The following GPHN variants were observed in gnomAD, a reference collection of about 807,000 sequenced individuals.
GPHN encodes the protein gephyrin.
A neutral mutation model predicts 95.5 loss-of-function variants in GPHN; 17 were observed. The ratio of observed to expected loss-of-function variants is 0.18; its 90% CI spans 0.12 to 0.27. The LOEUF is 0.27. GPHN is among the 10% of genes least tolerant of loss of function. The probability of loss-of-function intolerance (pLI) is 1.00; values close to 1 mark genes in which losing one functional copy is unlikely to be tolerated. For missense variants in GPHN, 660 were observed against 978.1 expected, an observed-to-expected ratio of 0.67 and a Z score of 4.34; for synonymous variants, 320 against 322.5, an observed-to-expected ratio of 0.99 and a Z score of 0.08.
chr14:66,946,853 T>G (rs2067788442), intron 8 of GPHN, among the ~76,000 whole-genome samples: 1 of 152,252 alleles, frequency 6.6e-6, no homozygotes, highest in Non-Finnish European at 1.5e-5. Flanking sequence ...CTTGGCATTA[T>G]AAATTCCCAG....
At chr14:67,225,958 T>TGCGC in the GPHN span, among the ~76,000 whole-genome samples, 1 of 130,176 alleles carries the variant, frequency 7.7e-6, no homozygotes, top group African/African-American at 3.4e-5. Flanking sequence ...TGTGTGTGTG[T>TGCGC]GTGTGCGCGC....
At chr14:67,647,992 A>G in the GPHN span, 2 of 1,505,094 alleles carry the variant, frequency 1.3e-6, no homozygotes, top group Admixed American at 2.0e-5. Context: ...ATGAGTGTCC[A>G]AGGACAACCA....
intron 2 of GPHN, among the ~76,000 whole-genome samples, chr14:66,745,160 T>A (rs760372173): frequency 2.6e-4 from 40 of 152,240 alleles, no homozygotes; most frequent in South Asian, 1.2e-3. Flanking sequence ...TCTCTTATTT[T>A]TACAACTTTT....
At chr14:67,435,172 G>A in the GPHN span, among the ~76,000 whole-genome samples, 3 of 152,036 alleles carry the variant, frequency 2.0e-5, no homozygotes, top group East Asian at 5.8e-4. Context: ...TCACCAAGTT[G>A]GCCAGGCTGG....
the GPHN span, among the ~76,000 whole-genome samples, chr14:67,308,608 C>T: frequency 1.4e-5 from 2 of 145,564 alleles, no homozygotes; most frequent in South Asian, 4.3e-4. Flanking sequence ...TGCAATGGTG[C>T]CATCTTGGCT....
At chr14:66,612,388 T>C (rs1040990862) in intron 1 of GPHN, among the ~76,000 whole-genome samples, 4 of 152,064 alleles carry the variant, frequency 2.6e-5, no homozygotes, top group African/African-American at 7.2e-5. Context: ...CTCTGCATAC[T>C]TTCTACTCCT....
rs1286493016 is a variant in GPHN at position 66,965,429 on chromosome 14, T to G, written c.963+104T>G. 5 of 1,053,042 alleles carry G rather than the reference T, an allele frequency of 4.7e-6. No individual in the cohort carries two copies. The African/African-American group carries it at 7.8e-5, about 16-fold the overall frequency. 65.2% of individuals were successfully genotyped at this position (1,053,042 alleles called of 1,614,324 possible). On this transcript the variant is annotated intron_variant, in intron 9 of 22. Transcript: ENST00000478722. ...GTCAAGGTTGGATTGCATGCAAGAT[T>G]ACACTGTGAAAAATGAATAAAGTGT...
chr14:67,580,757 G>A, the GPHN span: 2 of 574,390 alleles, frequency 3.5e-6, no homozygotes, highest in South Asian at 2.1e-5. Context: ...CCCTCTGTTT[G>A]TGAGGGAGCT....
chr14:66,785,838 T>A lies in GPHN; in HGVS notation c.201+9317T>A, dbSNP rs2059756922. ...AAATAAGATGTCTCAAATGAAATTT[T>A]AAAAATTTACACAAACGAAAAATGA... On this transcript the variant is annotated intron_variant, in intron 3 of 22. Transcript: ENST00000478722. Among the ~76,000 whole-genome samples the A allele has an allele frequency of 2.0e-5, 3 of 151,220 alleles. No homozygotes were observed. In the South Asian group the frequency reaches 6.2e-4, roughly 31 times the overall value.
chr14:67,183,463 A>T (rs1269302411), downstream of GPHN, among the ~76,000 whole-genome samples: 1 of 152,230 alleles, frequency 6.6e-6, no homozygotes, highest in East Asian at 1.9e-4. Context: ...AGGCACAGAG[A>T]TTAAGAAACT....
At chr14:66,756,523 G>T (rs2058562302) in intron 2 of GPHN, among the ~76,000 whole-genome samples, 1 of 152,014 alleles carries the variant, frequency 6.6e-6, no homozygotes, top group South Asian at 2.1e-4. Flanking sequence ...CATGGATATG[G>T]AGAGTCAACT....
At chr14:67,638,261 C>T in the GPHN span, among the ~76,000 whole-genome samples, 2 of 152,126 alleles carry the variant, frequency 1.3e-5, no homozygotes, top group Admixed American at 6.5e-5. Flanking sequence ...TGGTGGCTCA[C>T]ATCTGTAATC....
At chr14:67,720,816 G>C in the GPHN span, 1 of 152,164 alleles carries the variant, frequency 6.6e-6, no homozygotes, top group African/African-American at 2.4e-5. Context: ...AATTCTAGAT[G>C]CCTTATGGTC....
At chr14:67,574,917 G>A in the GPHN span, among the ~76,000 whole-genome samples, 66 of 152,314 alleles carry the variant, frequency 4.3e-4, no homozygotes, top group Admixed American at 2.0e-3. This position sits in a 1 kb window ranked among gnomAD's most constrained non-coding sequence, Gnocchi z 4.2. Context: ...AAAGCGACTT[G>A]CACTCAGCAA....
chr14:67,010,682 T>G (rs998389767), intron 9 of GPHN, among the ~76,000 whole-genome samples: 1 of 151,852 alleles, frequency 6.6e-6, no homozygotes, highest in African/African-American at 2.4e-5. Flanking sequence ...TTAAAACATG[T>G]GGGATGTAAG....
chr14:67,563,591 G>T, the GPHN span, among the ~76,000 whole-genome samples: 4 of 151,890 alleles, frequency 2.6e-5, no homozygotes, highest in African/African-American at 9.7e-5. Flanking sequence ...GCACCACCAC[G>T]CCCAGCTAAT....
chr14:67,596,719 C>A, the GPHN span, among the ~76,000 whole-genome samples: 3 of 152,172 alleles, frequency 2.0e-5, no homozygotes, highest in Non-Finnish European at 4.4e-5. Flanking sequence ...ATTTGATCAG[C>A]CTGGCATGCC....
intron 5 of GPHN, among the ~76,000 whole-genome samples, chr14:66,887,162 G>T (rs2064238962): frequency 6.6e-6 from 1 of 152,148 alleles, no homozygotes; most frequent in Non-Finnish European, 1.5e-5. Context: ...TACCCTGCTG[G>T]AGTATAATCA....
At chr14:66,715,798 CT>C (rs2070120725) in intron 2 of GPHN, among the ~76,000 whole-genome samples, 4 of 151,978 alleles carry the variant, frequency 2.6e-5, no homozygotes. Context: ...TTGAATGTTT[CT>C]TTTGGAGTTG....
Sources: gnomAD v4.1 joint callset for allele counts (sites outside exome capture counted in the v4.1 genomes callset) on GRCh38, gnomAD v4.1.1 for gene constraint, Gnocchi (gnomAD v3.1) non-coding constraint, MANE v1.5 for transcripts, NCBI Gene and HGNC (gene_info 2026-07-23, HGNC 2026-07-21) for gene names.